SNTB2: variants seen among roughly 807,000 people sequenced by gnomAD.
SNTB2 encodes beta-2-syntrophin.
SNTB2 carries 34 observed loss-of-function variants against 46.2 expected under a neutral mutation model. The observed-to-expected ratio is 0.74, with a 90% CI of 0.56 to 0.98. The LOEUF (loss-of-function observed/expected upper bound fraction) is 0.98. Among genes scored for constraint, SNTB2 ranks in the 50% least tolerant of loss-of-function variants. The pLI, the probability that SNTB2 is intolerant of heterozygous loss-of-function variation, is 0.00. For synonymous variants in SNTB2, 290 were observed against 312.6 expected, an observed-to-expected ratio of 0.93 and a Z score of 0.76; for missense variants, 603 against 731.4, an observed-to-expected ratio of 0.82 and a Z score of 2.02.
chr16:69,258,552 C>G (rs1488745020), intron 2 of SNTB2, among the ~76,000 whole-genome samples: 1 of 150,522 alleles, frequency 6.6e-6, no homozygotes, highest in African/African-American at 2.4e-5. Flanking sequence ...AGTACCCAAA[C>G]ACAGTTTCAA....
At chr16:69,287,259 G>A (rs78673718) in intron 5 of SNTB2, among the ~76,000 whole-genome samples, 3,498 of 151,952 alleles carry the variant, frequency 0.023, 133 homozygotes, top group African/African-American at 0.08. Context: ...TGGACAAAAT[G>A]AAAACCTTTA....
At chr16:69,257,274 A>G (rs1373657433) in intron 2 of SNTB2, among the ~76,000 whole-genome samples, 1 of 152,126 alleles carries the variant, frequency 6.6e-6, no homozygotes, top group Non-Finnish European at 1.5e-5. Flanking sequence ...TTAGGTATAG[A>G]ATAGGAAATC....
intron 5 of SNTB2, among the ~76,000 whole-genome samples, chr16:69,284,775 AAAACAAACAAAC>A (rs900306441): frequency 2.0e-4 from 30 of 152,272 alleles, no homozygotes; most frequent in African/African-American, 6.7e-4. Context: ...CTCCGTCTCA[AAAACAAACAAAC>A]AAACAAAAAC....
Position 69,187,171 on chromosome 16 carries a change from G to A in SNTB2, c.5G>A (p.Arg2Lys). The A allele has an allele frequency of 1.5e-6, 2 of 1,368,906 alleles. No individual in the cohort carries two copies. The highest frequency in any genetic ancestry group is 1.8e-5 in the South Asian group (1 of 56,092). 84.8% of individuals were successfully genotyped at this position (1,368,906 alleles called of 1,614,324 possible). A position where few individuals can be genotyped will look rare whatever the true frequency, so the allele number is the denominator to read the frequency against. MRVAAATAAAGA... is the reference protein window; with the variant it reads MKVAAATAAAGA... ...CGCCGAGGCTGCCTGACTGGAATGA[G>A]GGTAGCTGCGGCGACTGCGGCGGCT... The change falls in exon 1 of 7, where the codon AGG (arginine) becomes AAG (lysine). Residue 2 changes from arginine (R) to lysine (K), a missense_variant. Arg to Lys is a conservative substitution (Grantham distance 26). Transcript: ENST00000336278.
intron 5 of SNTB2, among the ~76,000 whole-genome samples, chr16:69,293,295 G>A (rs149338036): frequency 1.1e-4 from 16 of 152,158 alleles, no homozygotes; most frequent in Admixed American, 5.2e-4. Flanking sequence ...TCCATAAGTC[G>A]GGAGTACCCT....
chr16:69,227,292 A>G (rs1264970928), intron 1 of SNTB2, among the ~76,000 whole-genome samples: 4 of 152,216 alleles, frequency 2.6e-5, no homozygotes, highest in South Asian at 2.1e-4. Flanking sequence ...GATTCCAGCT[A>G]TGAACTGTTT....
Position 69,292,410 on chromosome 16 carries a change from TATATATATTATATATATATATATATTA to T in SNTB2, c.1346-7179_1346-7153del, listed in dbSNP as rs1965177874. 6.3e-4 allele frequency among the ~76,000 whole-genome samples: 11 copies of T among 17,376 alleles called. 3 individuals are homozygous for T. Among genetic ancestry groups the T allele is most frequent in the African/African-American group, 1.0e-3 (2 of 1,966 alleles). The allele number at this position is 17,376 out of a possible 152,430, so 11.4% of individuals were successfully genotyped here. On this transcript the variant is annotated intron_variant, in intron 5 of 6. Coordinates refer to ENST00000336278, the MANE Select transcript of SNTB2 (RefSeq NM_006750.4). Reference sequence around the variant, plus strand: ...ATATATTATATATATATATATATTATATATATATTATATATATATATATATTATATATATATAATTTTTTTTTTGAGA... The same window carrying T: ...ATATATTATATATATATATATATTATTATATATATAATTTTTTTTTTGAGA...
At chr16:69,192,076 T>C (rs1964060673) in intron 1 of SNTB2, among the ~76,000 whole-genome samples, 1 of 151,970 alleles carries the variant, frequency 6.6e-6, no homozygotes, top group Non-Finnish European at 1.5e-5. Context: ...ATCCAGGAAG[T>C]GATGTGATGG....
rs539512862 is a variant in SNTB2 at position 69,243,887 on chromosome 16, TA to T, written c.581-1714del. On this transcript the variant is annotated intron_variant, in intron 1 of 6. Transcript: ENST00000336278. ...CTAAATTCTAGCATTGGAATTGTTA[TA>T]TTTTTTATTATTATACTTAATTTCA... is the stretch of plus-strand genomic sequence containing the variant. 4.8e-3 allele frequency among the ~76,000 whole-genome samples: 734 copies of T among 152,330 alleles called. 3 individuals are homozygous for T. Among genetic ancestry groups the T allele is most frequent in the African/African-American group, 0.017 (716 of 41,574 alleles).
At chr16:69,204,665 AAG>A (rs1964196328) in intron 1 of SNTB2, among the ~76,000 whole-genome samples, 1 of 152,202 alleles carries the variant, frequency 6.6e-6, no homozygotes, top group African/African-American at 2.4e-5. Context: ...AAAACATACT[AAG>A]AACATTGAGT....
chr16:69,197,128 A>C (rs1964113327), intron 1 of SNTB2, among the ~76,000 whole-genome samples: 1 of 152,152 alleles, frequency 6.6e-6, no homozygotes, highest in South Asian at 2.1e-4. Flanking sequence ...AGCCCCAAAG[A>C]TTTTACTTTT....
intron 5 of SNTB2, among the ~76,000 whole-genome samples, chr16:69,293,152 AAGAG>A (rs1369158394): frequency 6.6e-6 from 1 of 152,182 alleles, no homozygotes; most frequent in South Asian, 2.1e-4. Flanking sequence ...GCAAGAGTGA[AAGAG>A]AGAGGGCCCT....
chr16:69,221,484 C>T (rs1964403405), intron 1 of SNTB2, among the ~76,000 whole-genome samples: 2 of 152,034 alleles, frequency 1.3e-5, no homozygotes, highest in African/African-American at 4.8e-5. Flanking sequence ...ATAAGAAATT[C>T]ATTATGTCAG....
At chr16:69,292,380 T>A (rs181796928) in intron 5 of SNTB2, among the ~76,000 whole-genome samples, 1,414 of 26,106 alleles carry the variant, frequency 0.054, 250 homozygotes, top group African/African-American at 0.26. Context: ...ATATATATAT[T>A]ATATATATAT....
In SNTB2 at chr16:69,204,313, A is replaced by G. The variant is rs145030747; in HGVS notation, c.580+16567A>G. On this transcript the variant is annotated intron_variant, in intron 1 of 6. Coordinates refer to ENST00000336278, the MANE Select transcript of SNTB2 (RefSeq NM_006750.4). ...GTGAACAGCACTGCTGCTCAGCTGC[A>G]GTTGCTTCCATAGGCTTGCTAGAAG... Among the ~76,000 whole-genome samples the G allele has an allele frequency of 1.8e-4, 27 of 152,364 alleles. No homozygotes were observed. The East Asian group carries it at 5.0e-3, about 28-fold the overall frequency.
At chr16:69,247,113 T>C (rs1242847526) in intron 2 of SNTB2, among the ~76,000 whole-genome samples, 2 of 150,928 alleles carry the variant, frequency 1.3e-5, no homozygotes, top group Non-Finnish European at 3.0e-5. Context: ...TTTTTAAATA[T>C]CTCCTTAGAT....
At chr16:69,250,848 C>T (rs1008035745) in intron 2 of SNTB2, among the ~76,000 whole-genome samples, 6 of 151,972 alleles carry the variant, frequency 3.9e-5, no homozygotes, top group Non-Finnish European at 5.9e-5. Context: ...TGCACTCCAG[C>T]CTGGACACAC....
chr16:69,270,987 T>G (rs1385028761), intron 4 of SNTB2, among the ~76,000 whole-genome samples: 1 of 152,174 alleles, frequency 6.6e-6, no homozygotes, highest in African/African-American at 2.4e-5. Flanking sequence ...TGGAAAAGTA[T>G]TTAGTAGTCA....
intron 1 of SNTB2, among the ~76,000 whole-genome samples, chr16:69,223,636 G>GTT (rs367605003): frequency 1.4e-5 from 2 of 146,914 alleles, no homozygotes; most frequent in African/African-American, 2.5e-5. Context: ...TGACAGTTTT[G>GTT]TTTTTTTTTT....
Sources: gnomAD v4.1 joint callset for allele counts (sites outside exome capture counted in the v4.1 genomes callset) on GRCh38, gnomAD v4.1.1 for gene constraint, MANE v1.5 for transcripts, NCBI Gene and HGNC (gene_info 2026-07-23, HGNC 2026-07-21) for gene names.